The following SLC44A1 variants were observed in gnomAD, a reference collection of about 807,000 sequenced individuals.
The protein encoded by SLC44A1 is choline transporter-like protein 1.
A neutral mutation model predicts 79.3 loss-of-function variants in SLC44A1; 26 were observed. That is an observed-to-expected ratio of 0.33 (90% CI 0.24 to 0.46). The LOEUF is 0.46. SLC44A1 is among the 20% of genes least tolerant of loss of function. The probability of loss-of-function intolerance (pLI) is 1.00; values close to 1 mark genes in which losing one functional copy is unlikely to be tolerated. For synonymous variants in SLC44A1, 263 were observed against 286.2 expected (o/e 0.92, Z 0.82); for missense variants, 688 against 798.1 (o/e 0.86, Z 1.66).
At chr9:105,410,601 T>C (rs1357638663) in intron 15 of SLC44A1, among the ~76,000 whole-genome samples, 5 of 152,130 alleles carry the variant, frequency 3.3e-5, no homozygotes, top group African/African-American at 9.7e-5. Context: ...ACATTGCTGG[T>C]GAGAATGTAA....
chr9:105,259,369 T>C (rs181982097), intron 1 of SLC44A1, among the ~76,000 whole-genome samples: 3 of 151,612 alleles, frequency 2.0e-5, no homozygotes, highest in African/African-American at 7.3e-5. Flanking sequence ...ATGCTTGTGT[T>C]ATTAATATTG....
chr9:105,419,549 A>C (rs1829216635), intron 15 of SLC44A1, among the ~76,000 whole-genome samples: 1 of 152,232 alleles, frequency 6.6e-6, no homozygotes, highest in Non-Finnish European at 1.5e-5. Flanking sequence ...GGTATAGCCA[A>C]CTGTTAATTA....
chr9:105,255,422 A>C (rs1829682757), intron 1 of SLC44A1, among the ~76,000 whole-genome samples: 2 of 152,220 alleles, frequency 1.3e-5, no homozygotes, highest in Non-Finnish European at 2.9e-5. Context: ...TAAAAAAGTT[A>C]ACATCCTTTA....
At chr9:105,432,343 C>G (rs1476510040) in intron 15 of SLC44A1, among the ~76,000 whole-genome samples, 1 of 152,216 alleles carries the variant, frequency 6.6e-6, no homozygotes, top group East Asian at 1.9e-4. Context: ...CTTCAAGCCA[C>G]TCCTTGCTAA....
At chr9:105,291,450 GA>G (rs1269962118) in intron 1 of SLC44A1, among the ~76,000 whole-genome samples, 1 of 152,216 alleles carries the variant, frequency 6.6e-6, no homozygotes, top group Non-Finnish European at 1.5e-5. Context: ...AGTGGCTTTT[GA>G]GGTGTGTCAG....
At chr9:105,263,700 T>G (rs549357110) in intron 1 of SLC44A1, among the ~76,000 whole-genome samples, 1 of 152,156 alleles carries the variant, frequency 6.6e-6, no homozygotes, top group South Asian at 2.1e-4. Flanking sequence ...CATGCCCAGC[T>G]AATTTTTTGT....
At position 105,327,085 on chromosome 9, in the gene SLC44A1, T is replaced by G. The variant is rs187498501; in HGVS notation, c.270-8478T>G. Among the ~76,000 whole-genome samples the G allele has an allele frequency of 3.2e-4, 48 of 152,338 alleles. 1 individual carries two copies. In the East Asian group the frequency reaches 9.3e-3, roughly 29 times the overall value. ...ACCTATGTATAATCAGTCATAAAGT[T>G]TTCTTCATTGTGTCTAAACTTTTGA... On this transcript the variant is annotated intron_variant, in intron 3 of 15. Transcript: ENST00000374720.
downstream of SLC44A1, among the ~76,000 whole-genome samples, chr9:105,400,099 G>T (rs528361148): frequency 2.0e-5 from 3 of 152,310 alleles, no homozygotes; most frequent in East Asian, 5.8e-4. Context: ...GGAGGCTGAG[G>T]CAGGAGAATT....
Position 105,367,651 on chromosome 9 carries a change from C to G in SLC44A1, c.1494+1222C>G, listed in dbSNP as rs551714921. Among the ~76,000 whole-genome samples, 5 of 152,184 alleles carry G rather than the reference C, an allele frequency of 3.3e-5. No individual in the cohort carries two copies. The South Asian group carries it at 1.0e-3, about 32-fold the overall frequency. ...CTCTAGTCTCAATCCTACTGCCGTA[C>G]CCCCAGGCACCTTTTGCTTTTGCAG... is the stretch of plus-strand genomic sequence containing the variant. On this transcript the variant is annotated intron_variant, in intron 12 of 15. Transcript: ENST00000374720.
Position 105,396,758 on chromosome 9 carries a change from T to C in SLC44A1, c.*7702T>C. 1 of 985,272 alleles carries C rather than the reference T, an allele frequency of 1.0e-6. No homozygotes were observed. The highest frequency in any genetic ancestry group is 1.2e-6 in the Non-Finnish European group (1 of 829,842). The allele number at this position is 985,272 out of a possible 1,614,324, so 61.0% of individuals were successfully genotyped here. On this transcript the variant is annotated 3_prime_UTR_variant, in exon 16 of 16. Transcript: ENST00000374720. ...TTGCCATTTGCATCCTATTTCATAG[T>C]GCCAAAATGAATTTTTGTATCTTGT...
exon 16 of SLC44A1, chr9:105,438,375 C>T: frequency 1.7e-6 from 2 of 1,170,274 alleles, no homozygotes; most frequent in South Asian, 2.7e-5. Flanking sequence ...TGTTGAGAGT[C>T]TGCGATTATG....
intron 15 of SLC44A1, among the ~76,000 whole-genome samples, chr9:105,425,519 G>A (rs939018360): frequency 6.6e-6 from 1 of 152,102 alleles, no homozygotes; most frequent in Admixed American, 6.5e-5. Context: ...AACATTCTAG[G>A]CAGAGAGAAC....
At position 105,394,733 on chromosome 9, in the gene SLC44A1, G is replaced by A. The variant is rs866372052; in HGVS notation, c.*5677G>A. The A allele has an allele frequency of 2.0e-6, 2 of 985,384 alleles. No individual in the cohort carries two copies. The highest frequency in any genetic ancestry group is 2.4e-6 in the Non-Finnish European group (2 of 829,924). The allele number at this position is 985,384 out of a possible 1,614,324, so 61.0% of individuals were successfully genotyped here. On this transcript the variant is annotated 3_prime_UTR_variant, in exon 16 of 16. Transcript: ENST00000374720. ...TTAGCAAACTCAAGGGTAGTCCATA[G>A]TTGGCAAAAAATAAATTTGGTAGAA...
intron 15 of SLC44A1, chr9:105,438,258 A>AT (rs1483674810): frequency 6.5e-7 from 1 of 1,548,496 alleles, no homozygotes; most frequent in Admixed American, 2.0e-5. Context: ...AGAAGCATTC[A>AT]TTTTCTTGAT....
At chr9:105,354,301 C>T (rs559805529) in intron 5 of SLC44A1, among the ~76,000 whole-genome samples, 6 of 151,914 alleles carry the variant, frequency 3.9e-5, no homozygotes, top group Non-Finnish European at 5.9e-5. Context: ...CCGCCCGCCT[C>T]GGCCTCCCAA....
At chr9:105,421,973 G>A (rs1302108176) in intron 15 of SLC44A1, among the ~76,000 whole-genome samples, 1 of 152,116 alleles carries the variant, frequency 6.6e-6, no homozygotes, top group Non-Finnish European at 1.5e-5. Flanking sequence ...CAGTAAGTTC[G>A]GACCTCTGGT....
chr9:105,260,222 A>C (rs1395856105), intron 1 of SLC44A1, among the ~76,000 whole-genome samples: 1 of 152,184 alleles, frequency 6.6e-6, no homozygotes, highest in African/African-American at 2.4e-5. Context: ...TCCCAACCCC[A>C]TTTGAAAAGT....
intron 5 of SLC44A1, 115 bp downstream of exon 5, chr9:105,348,566 AC>A (rs888116024): frequency 2.2e-5 from 13 of 597,990 alleles, no homozygotes; most frequent in African/African-American, 1.7e-4. Context: ...CAGGTCCAAT[AC>A]TTTTATTAAA....
rs1554689822 is a variant in SLC44A1 at position 105,394,412 on chromosome 9, G to GGGGTGTGTGTGTGTGTGTGT, written c.*5357_*5358insGGTGTGTGTGTGTGTGTGTG. The stretch of plus-strand genomic sequence containing the variant: ...GATTTTCTTTCCTTGGAGGTATGAG[G>GGGGTGTGTGTGTGTGTGTGT]GTGTGTATGTGTGTGTGTGTGTGTG... On this transcript the variant is annotated 3_prime_UTR_variant, in exon 16 of 16. Coordinates refer to ENST00000374720, the MANE Select transcript of SLC44A1 (RefSeq NM_080546.5). 8.4e-6 allele frequency: 6 copies of GGGGTGTGTGTGTGTGTGTGT among 713,672 alleles called. No individual in the cohort carries two copies. In the African/African-American group the frequency reaches 1.2e-4, roughly 14 times the overall value. 44.2% of individuals were successfully genotyped at this position (713,672 alleles called of 1,614,324 possible).
Sources: allele counts gnomAD v4.1 joint callset (sites outside exome capture counted in the v4.1 genomes callset), GRCh38; gene constraint gnomAD v4.1.1; transcripts MANE v1.5; gene names NCBI Gene and HGNC (gene_info 2026-07-23, HGNC 2026-07-21).